Variants in MLXIPL observed in about 807,000 individuals in gnomAD.
MLXIPL encodes the protein carbohydrate-responsive element-binding protein.
In MLXIPL, 49 loss-of-function variants were observed where a neutral mutation model predicts 81.5. The observed-to-expected ratio is 0.60, with a 90% CI of 0.48 to 0.76. The LOEUF (loss-of-function observed/expected upper bound fraction) is 0.76, where lower values mean the gene tolerates loss of function less well. Among genes scored for constraint, MLXIPL ranks in the 30% least tolerant of loss-of-function variants. The probability of loss-of-function intolerance (pLI) is 0.00; values close to 1 mark genes in which losing one functional copy is unlikely to be tolerated. For missense variants in MLXIPL, 1,053 were observed against 1,167.0 expected (o/e 0.90, Z 1.42); for synonymous variants, 466 against 485.5 (o/e 0.96, Z 0.53).
intron 7 of MLXIPL, among the ~76,000 whole-genome samples, chr7:73,600,872 T>C (rs1056872376): frequency 7.2e-5 from 11 of 151,934 alleles, no homozygotes; most frequent in Non-Finnish European, 1.6e-4. Flanking sequence ...GGGAAGCAGC[T>C]GGCCACGGCC....
chr7:73,624,805 C>A (rs1796635731), upstream of MLXIPL, among the ~76,000 whole-genome samples: 1 of 152,140 alleles, frequency 6.6e-6, no homozygotes, highest in African/African-American at 2.4e-5. Context: ...TGCCTGTAAT[C>A]CTAGCACTTT....
upstream of MLXIPL, among the ~76,000 whole-genome samples, chr7:73,625,484 C>T (rs1554603606): frequency 1.3e-5 from 2 of 152,124 alleles, no homozygotes; most frequent in African/African-American, 4.8e-5. Flanking sequence ...TGGCCGGGCG[C>T]GGTGGCTCTC....
chr7:73,606,510 C>A, intron 5 of MLXIPL: 1 of 315,898 alleles, frequency 3.2e-6, no homozygotes, highest in Non-Finnish European at 6.0e-6. Flanking sequence ...ACTGCAACCT[C>A]CACCTCCCAG....
At chr7:73,632,610 C>T in the MLXIPL span, among the ~76,000 whole-genome samples, 1 of 152,150 alleles carries the variant, frequency 6.6e-6, no homozygotes, top group African/African-American at 2.4e-5. Flanking sequence ...CCCTGTGTTC[C>T]TGTGTGTGCC....
At position 73,623,552 on chromosome 7, in the gene MLXIPL, G is replaced by A. The variant is rs1305147041; in HGVS notation, c.293+648C>T. 6.6e-6 allele frequency among the ~76,000 whole-genome samples: 1 copy of A among 152,174 alleles called. No homozygotes were observed. Among genetic ancestry groups the A allele is most frequent in the Non-Finnish European group, 1.5e-5 (1 of 68,040 alleles). ...GAACCCAGGCCTCCCGGGCACCGGC[G>A]TAACCTCTGCGAGCTGCGCCTCTTG... On this transcript the variant is annotated intron_variant, in intron 1 of 16. Coordinates refer to ENST00000313375, the MANE Select transcript of MLXIPL (RefSeq NM_032951.3). The surrounding 1 kb of genome is among the most constrained non-coding windows in gnomAD (Gnocchi z 5.7).
chr7:73,595,528 G>A, intron 15 of MLXIPL, 109 bp downstream of exon 15: 1 of 1,607,242 alleles, frequency 6.2e-7, no homozygotes, highest in Non-Finnish European at 8.5e-7. Flanking sequence ...CCTGGGAGCA[G>A]CTCTGAGCCT....
Position 73,596,389 on chromosome 7 carries a change from C to G in MLXIPL, c.1913G>C (p.Ser638Thr), listed in dbSNP as rs782658602. The G allele has an allele frequency of 5.0e-6, 8 of 1,611,938 alleles. No homozygotes were observed. The African/African-American group carries it at 9.4e-5, about 19-fold the overall frequency. Residue 638 changes from serine to threonine, a missense_variant, in exon 12 of 17, where the codon AGC becomes ACC. Physicochemically the swap from Ser to Thr is moderately conservative, Grantham distance 58. Around this residue, in one of 3 missense-constraint regions of MLXIPL, gnomAD observed 823 missense variants for 933.0 expected, o/e 0.88. Coordinates refer to ENST00000313375, the MANE Select transcript of MLXIPL (RefSeq NM_032951.3). This position sits in a 1 kb window ranked among gnomAD's most constrained non-coding sequence, Gnocchi z 4.7. ...CTTGTTGCTGTCTGGACGGCCCCGG[C>G]TGAGGATGGGTTGCGGGGGAGAGAC... is the stretch of plus-strand genomic sequence containing the variant. ...VRVSPPQPIL[S>T]RGRPDSNKTE...
At chr7:73,630,083 C>T in the MLXIPL span, among the ~76,000 whole-genome samples, 6 of 151,434 alleles carry the variant, frequency 4.0e-5, no homozygotes, top group South Asian at 2.1e-4. Flanking sequence ...CTGCAAATTC[C>T]GCCTCTTGGG....
At chr7:73,642,802 A>C in the MLXIPL span, among the ~76,000 whole-genome samples, 1 of 152,192 alleles carries the variant, frequency 6.6e-6, no homozygotes, top group South Asian at 2.1e-4. Context: ...GGCCACTGCA[A>C]GTTTCATTAC....
At chr7:73,624,806 C>T (rs1353439197), upstream of MLXIPL, among the ~76,000 whole-genome samples, 1 of 152,136 alleles carries the variant, frequency 6.6e-6, no homozygotes, top group Non-Finnish European at 1.5e-5. Context: ...GCCTGTAATC[C>T]TAGCACTTTA....
Position 73,597,556 on chromosome 7 carries a change from C to T in MLXIPL, c.1229G>A (p.Cys410Tyr). 7.8e-7 allele frequency: 1 copy of T among 1,288,094 alleles called. No homozygotes were observed. Among genetic ancestry groups the T allele is most frequent in the African/African-American group, 1.7e-5 (1 of 58,422 alleles). The allele number at this position is 1,288,094 out of a possible 1,614,324, so 79.8% of individuals were successfully genotyped here. ...PPAKVPGLEP[C>Y]PPPPFPPMAP... ...CATGGGAGGGAAGGGAGGTGGGGGG[C>T]AGGGCTCCAGGCCTGGCACCTTGGC... Residue 410 changes from cysteine (C) to tyrosine (Y), a missense_variant, in exon 9 of 17, where the codon TGC becomes TAC. Coordinates refer to ENST00000313375, the MANE Select transcript of MLXIPL (RefSeq NM_032951.3).
chr7:73,606,024 C>T lies in MLXIPL; in HGVS notation c.706G>A (p.Glu236Lys), dbSNP rs868937804. ...TCCAGGAGCTGCCGCCCACCCGGCT[C>T]CTCCTCTGGGTCCCCCAGCAGCACG... ...VPVLLGDPEEEPGGRQLLDLN... is the reference protein window; with the variant it reads ...VPVLLGDPEEKPGGRQLLDLN... Residue 236 changes from glutamate to lysine, a missense_variant, in exon 6 of 17, where the codon GAG becomes AAG. Coordinates refer to ENST00000313375, the MANE Select transcript of MLXIPL (RefSeq NM_032951.3). The T allele has an allele frequency of 6.9e-6, 11 of 1,588,782 alleles. No homozygotes were observed. Among genetic ancestry groups the T allele is most frequent in the Non-Finnish European group, 9.4e-6 (11 of 1,167,478 alleles).
At chr7:73,624,153 A>AAC in intron 1 of MLXIPL, 47 bp downstream of exon 1, 10 of 492,108 alleles carry the variant, frequency 2.0e-5, no homozygotes, top group Non-Finnish European at 2.4e-5. Context: ...CCCCCCCCCC[A>AAC]TCCCCACCTG....
the MLXIPL span, among the ~76,000 whole-genome samples, chr7:73,630,079 A>G: frequency 6.6e-6 from 1 of 151,066 alleles, no homozygotes; most frequent in African/African-American, 2.4e-5. Flanking sequence ...CTCACTGCAA[A>G]TTCCGCCTCT....
chr7:73,605,715 T>G lies in MLXIPL; in HGVS notation c.874A>C (p.Ser292Arg), dbSNP rs6948907. 954 of 1,613,754 alleles carry G rather than the reference T, an allele frequency of 5.9e-4. 4 individuals are homozygous for G. The African/African-American group carries it at 0.012, about 19-fold the overall frequency. ...GAGATGTCCATGAAGTCATCCAGGC[T>G]TGGCTGCAGTGGCGTCAGGTCCGGC... ...IQPDLTPLQP[S>R]LDDFMDISDF... Residue 292 changes from serine (S) to arginine (R), a missense_variant, in exon 7 of 17, where the codon AGC becomes CGC. Ser to Arg is a moderately radical substitution (Grantham distance 110, BLOSUM62 -1). Coordinates refer to ENST00000313375, the MANE Select transcript of MLXIPL (RefSeq NM_032951.3).
intron 1 of MLXIPL, among the ~76,000 whole-genome samples, chr7:73,618,286 G>A (rs1023550466): frequency 8.5e-5 from 13 of 152,120 alleles, no homozygotes; most frequent in African/African-American, 3.1e-4. Context: ...TAGTAGAGAC[G>A]GGGCTTCATC....
At chr7:73,625,554 C>T (rs970977873), upstream of MLXIPL, among the ~76,000 whole-genome samples, 3 of 152,040 alleles carry the variant, frequency 2.0e-5, no homozygotes, top group South Asian at 2.1e-4. Context: ...GCCAGGAGTT[C>T]GAAACCAGCC....
chr7:73,609,022 TGGTCTCGAACTCCTGA>T (rs1795511409), intron 2 of MLXIPL, among the ~76,000 whole-genome samples: 1 of 152,162 alleles, frequency 6.6e-6, no homozygotes, highest in Non-Finnish European at 1.5e-5. Context: ...TTGCCCAGGC[TGGTCTCGAACTCCTGA>T]GGTCAAGGAA....
At chr7:73,622,745 G>C (rs1796462062) in intron 1 of MLXIPL, among the ~76,000 whole-genome samples, 1 of 151,802 alleles carries the variant, frequency 6.6e-6, no homozygotes, top group Non-Finnish European at 1.5e-5. Flanking sequence ...TCAGCCTCTG[G>C]GTGGGGGGGC....
Sources: allele counts gnomAD v4.1 joint callset (sites outside exome capture counted in the v4.1 genomes callset), GRCh38; gene constraint gnomAD v4.1.1; regional missense constraint gnomAD v4.1.1; non-coding constraint Gnocchi (gnomAD v3.1); transcripts MANE v1.5; gene names NCBI Gene and HGNC (gene_info 2026-07-23, HGNC 2026-07-21).